The following EPC2 variants were observed in gnomAD, a reference collection of about 807,000 sequenced individuals.
EPC2 encodes enhancer of polycomb homolog 2.
A neutral mutation model predicts 92.1 loss-of-function variants in EPC2; 14 were observed. The observed-to-expected ratio is 0.15, with a 90% CI of 0.10 to 0.24. EPC2 has a LOEUF of 0.24. EPC2 is among the 10% of genes least tolerant of loss of function. The pLI, the probability that EPC2 is intolerant of heterozygous loss-of-function variation, is 1.00. For synonymous variants in EPC2, 340 were observed against 334.7 expected (o/e 1.02, Z -0.17); for missense variants, 755 against 971.5 (o/e 0.78, Z 2.96).
intron 8 of EPC2, among the ~76,000 whole-genome samples, chr2:148,770,556 A>G (rs1683496727): frequency 6.6e-6 from 1 of 152,170 alleles, no homozygotes; most frequent in Non-Finnish European, 1.5e-5. Context: ...CCCTAAATGA[A>G]TTTATATTTA....
chr2:148,746,193 G>A (rs79002853), intron 3 of EPC2, among the ~76,000 whole-genome samples: 2,137 of 151,936 alleles, frequency 0.014, 47 homozygotes, highest in African/African-American at 0.048. Flanking sequence ...TATTTTTATA[G>A]ATATAATAAT....
chr2:148,744,607 AC>A (rs1168466030), intron 3 of EPC2, among the ~76,000 whole-genome samples: 1 of 152,166 alleles, frequency 6.6e-6, no homozygotes, highest in Non-Finnish European at 1.5e-5. Context: ...AAGGAAGTTT[AC>A]AACAAAATGC....
At chr2:148,772,515 G>A (rs963647747) in intron 10 of EPC2, among the ~76,000 whole-genome samples, 3 of 152,062 alleles carry the variant, frequency 2.0e-5, no homozygotes, top group African/African-American at 7.2e-5. Flanking sequence ...ATAATGTTCA[G>A]TCTCTTTTAG....
At chr2:148,738,429 C>A (rs951858291) in intron 2 of EPC2, among the ~76,000 whole-genome samples, 1 of 152,126 alleles carries the variant, frequency 6.6e-6, no homozygotes, top group Non-Finnish European at 1.5e-5. Context: ...ATAAAGAGTT[C>A]TAAATTCACA....
chr2:148,774,624 T>TATATATATATATA (rs935978031), intron 10 of EPC2, among the ~76,000 whole-genome samples: 1 of 132,574 alleles, frequency 7.5e-6, no homozygotes, highest in African/African-American at 2.7e-5. Context: ...AAAATATATT[T>TATATATATATATA]TATATATATA....
At chr2:148,769,062 GT>G (rs1683467922) in intron 7 of EPC2, 88 bp from the exon 8 acceptor site, 3 of 881,096 alleles carry the variant, frequency 3.4e-6, no homozygotes, top group Middle Eastern at 2.1e-4. Context: ...GTGATTTACT[GT>G]TTGTGATCAG....
intron 2 of EPC2, among the ~76,000 whole-genome samples, chr2:148,695,808 C>A (rs924279657): frequency 4.6e-5 from 7 of 152,158 alleles, no homozygotes; most frequent in African/African-American, 1.7e-4. Context: ...GACATAAATT[C>A]TGTGAAAGGA....
intron 2 of EPC2, among the ~76,000 whole-genome samples, chr2:148,741,272 G>C (rs1365523874): frequency 6.6e-6 from 1 of 152,108 alleles, no homozygotes; most frequent in Non-Finnish European, 1.5e-5. Context: ...GGTTGTGACA[G>C]TTAATTTAGT....
chr2:148,734,329 A>T (rs1447399466), intron 2 of EPC2, among the ~76,000 whole-genome samples: 1 of 152,124 alleles, frequency 6.6e-6, no homozygotes, highest in Non-Finnish European at 1.5e-5. Flanking sequence ...CAGCTCATAC[A>T]TGGGAAGTGT....
intron 2 of EPC2, among the ~76,000 whole-genome samples, chr2:148,696,296 AAAG>A (rs1435784361): frequency 6.6e-6 from 1 of 152,216 alleles, no homozygotes; most frequent in East Asian, 1.9e-4. Context: ...AGGAGAAAAA[AAAG>A]GTAATGCCAG....
chr2:148,753,991 A>G lies in EPC2; in HGVS notation c.524A>G (p.Tyr175Cys), dbSNP rs371415083. 6.2e-7 allele frequency: 1 copy of G among 1,612,374 alleles called. No individual in the cohort carries two copies. Among genetic ancestry groups the G allele is most frequent in the Non-Finnish European group, 8.5e-7 (1 of 1,179,208 alleles). ...NEDDYLIKAV[Y>C]DYWVRKRKNC... Reference sequence around the variant, plus strand: ...GATGATTACCTTATTAAAGCTGTATATGACTACTGGGTGAGAAAACGTAAA... The same window carrying G: ...GATGATTACCTTATTAAAGCTGTATGTGACTACTGGGTGAGAAAACGTAAA... Residue 175 changes from tyrosine (Y) to cysteine (C), a missense_variant, in exon 4 of 14, where the codon TAT becomes TGT. Around this residue, in one of 4 missense-constraint regions of EPC2, gnomAD observed 509 missense variants for 607.7 expected, o/e 0.84. Transcript: ENST00000258484.
chr2:148,765,028 C>T lies in EPC2; in HGVS notation c.1022C>T (p.Pro341Leu), dbSNP rs1264164237. The change falls in exon 7 of 14, where the codon CCT becomes CTT. Residue 341 changes from proline to leucine, a missense_variant. Around this residue, in one of 4 missense-constraint regions of EPC2, gnomAD observed 509 missense variants for 607.7 expected, o/e 0.84. Transcript: ENST00000258484. Reference sequence around the variant, plus strand: ...CAAAAGAAGAAGTACCCAAAGAAGCCTAAAGCAGAGGCTTTGATAACATCT... The same window carrying T: ...CAAAAGAAGAAGTACCCAAAGAAGCTTAAAGCAGAGGCTTTGATAACATCT... The part of the protein sequence containing the change: ...VRQKKKYPKK[P>L]KAEALITSQQ... 6.2e-7 allele frequency: 1 copy of T among 1,608,154 alleles called. No homozygotes were observed. Among genetic ancestry groups the T allele is most frequent in the Non-Finnish European group, 8.5e-7 (1 of 1,176,798 alleles).
At chr2:148,690,876 C>G (rs756775134) in intron 2 of EPC2, among the ~76,000 whole-genome samples, 1 of 152,022 alleles carries the variant, frequency 6.6e-6, no homozygotes, top group East Asian at 1.9e-4. Flanking sequence ...TTGGCCAGGC[C>G]GGTCTCAAAC....
At chr2:148,763,266 T>C (rs936533720) in intron 6 of EPC2, among the ~76,000 whole-genome samples, 2 of 152,160 alleles carry the variant, frequency 1.3e-5, no homozygotes, top group African/African-American at 4.8e-5. Flanking sequence ...TCAATTGTTA[T>C]CTACCTTGAG....
intron 1 of EPC2, among the ~76,000 whole-genome samples, chr2:148,667,981 C>A (rs1331224672): frequency 6.6e-6 from 1 of 152,126 alleles, no homozygotes; most frequent in Non-Finnish European, 1.5e-5. Context: ...TCACCACGAC[C>A]TCTGCCTCCC....
intron 2 of EPC2, among the ~76,000 whole-genome samples, chr2:148,705,924 A>G (rs1574594148): frequency 1.3e-5 from 2 of 152,216 alleles, no homozygotes; most frequent in East Asian, 3.8e-4. Context: ...AAAATTCTAA[A>G]AACCAGAGCG....
rs747071742 is a variant in EPC2 at position 148,743,546 on chromosome 2, C to T, written c.314-76C>T. ...CAGTGCACTGTAATTTAGAGGTAGT[C>T]TGCAGTCAAATATGATGAACAATGT... On this transcript the variant is annotated intron_variant, in intron 2 of 13. Coordinates refer to ENST00000258484, the MANE Select transcript of EPC2 (RefSeq NM_015630.4). 2.8e-4 allele frequency: 330 copies of T among 1,189,404 alleles called. 1 individual carries two copies. The highest frequency in any genetic ancestry group is 3.6e-4 in the Non-Finnish European group (316 of 875,076). 73.7% of individuals were successfully genotyped at this position (1,189,404 alleles called of 1,614,324 possible).
intron 1 of EPC2, 110 bp downstream of exon 1, chr2:148,645,280 C>CG: frequency 1.0e-6 from 1 of 986,008 alleles, no homozygotes. Context: ...GCGCCGCTGC[C>CG]GCTCTAACGC....
At chr2:148,759,258 AATTTTTGT>A (rs943576562) in intron 4 of EPC2, among the ~76,000 whole-genome samples, 50 of 152,040 alleles carry the variant, frequency 3.3e-4, no homozygotes, top group Admixed American at 1.5e-3. Flanking sequence ...ACACCCAGCT[AATTTTTGT>A]ATTTTTAGTA....
Sources: allele counts gnomAD v4.1 joint callset (sites outside exome capture counted in the v4.1 genomes callset), GRCh38; gene constraint gnomAD v4.1.1; regional missense constraint gnomAD v4.1.1; transcripts MANE v1.5; gene names NCBI Gene and HGNC (gene_info 2026-07-23, HGNC 2026-07-21).